Variants in SHOC2 observed in about 807,000 individuals in gnomAD.
The protein encoded by SHOC2 is leucine-rich repeat protein SHOC-2.
SHOC2 carries 4 observed loss-of-function variants against 50.2 expected under a neutral mutation model. The ratio of observed to expected loss-of-function variants is 0.08; its 90% confidence interval spans 0.04 to 0.18. The LOEUF (loss-of-function observed/expected upper bound fraction) is 0.18. Ranked by LOEUF, SHOC2 falls within the 10% of genes least tolerant of loss-of-function variation. SHOC2 has a pLI of 1.00. For missense variants in SHOC2, 388 were observed against 669.6 expected, an observed-to-expected ratio of 0.58 and a Z score of 4.64; for synonymous variants, 218 against 244.5, an observed-to-expected ratio of 0.89 and a Z score of 1.01.
intron 1 of SHOC2, among the ~76,000 whole-genome samples, chr10:110,946,889 G>A (rs1464878406): frequency 2.0e-5 from 3 of 152,136 alleles, no homozygotes; most frequent in Non-Finnish European, 4.4e-5. Flanking sequence ...AGTTAAATAG[G>A]AAGAGTGATG....
At chr10:110,980,757 C>T (rs150740196) in intron 2 of SHOC2, among the ~76,000 whole-genome samples, 125 of 152,208 alleles carry the variant, frequency 8.2e-4, no homozygotes, top group Middle Eastern at 3.4e-3. Context: ...TGCTTATTTT[C>T]CCTCCCAATC....
chr10:110,920,318 C>T (rs984813309), intron 1 of SHOC2, among the ~76,000 whole-genome samples: 2 of 152,124 alleles, frequency 1.3e-5, no homozygotes, highest in African/African-American at 4.8e-5. Context: ...AACCTCTCCC[C>T]GTGATAGCAC....
intron 2 of SHOC2, among the ~76,000 whole-genome samples, chr10:110,984,930 A>G (rs1187699062): frequency 6.6e-6 from 1 of 152,178 alleles, no homozygotes; most frequent in Non-Finnish European, 1.5e-5. Flanking sequence ...TCCAAAGGAG[A>G]CTGAAAACAG....
intron 3 of SHOC2, among the ~76,000 whole-genome samples, chr10:110,989,170 T>C (rs1848135627): frequency 6.6e-6 from 1 of 152,220 alleles, no homozygotes; most frequent in Non-Finnish European, 1.5e-5. Context: ...ATTCTACTTT[T>C]GTTGGGTGGA....
chr10:110,997,583 T>A (rs956191373), intron 3 of SHOC2, among the ~76,000 whole-genome samples: 1 of 152,214 alleles, frequency 6.6e-6, no homozygotes, highest in East Asian at 1.9e-4. Flanking sequence ...CTTAAAACTT[T>A]TTATAACATA....
At chr10:111,003,972 G>C (rs1423603850) in intron 4 of SHOC2, among the ~76,000 whole-genome samples, 8 of 152,322 alleles carry the variant, frequency 5.3e-5, no homozygotes, top group African/African-American at 1.9e-4. Context: ...AATGGTGAGA[G>C]GCTAAAGTAG....
intron 1 of SHOC2, among the ~76,000 whole-genome samples, chr10:110,951,039 T>C (rs1847341269): frequency 6.6e-6 from 1 of 152,182 alleles, no homozygotes; most frequent in Non-Finnish European, 1.5e-5. Context: ...AGAGAAATGG[T>C]ATTGCATCAA....
At chr10:110,948,537 T>C (rs1176789398) in intron 1 of SHOC2, among the ~76,000 whole-genome samples, 2 of 152,154 alleles carry the variant, frequency 1.3e-5, no homozygotes, top group Non-Finnish European at 2.9e-5. Context: ...CAAGTATTTT[T>C]TGTAAGCATA....
At chr10:110,976,417 T>A (rs549523407) in intron 2 of SHOC2, among the ~76,000 whole-genome samples, 8 of 151,864 alleles carry the variant, frequency 5.3e-5, no homozygotes, top group Non-Finnish European at 1.2e-4. Context: ...GCTCTAGTGA[T>A]CCTTCCTCCT....
intron 3 of SHOC2, among the ~76,000 whole-genome samples, chr10:110,999,593 T>C (rs1234508661): frequency 6.6e-6 from 1 of 151,468 alleles, no homozygotes; most frequent in Non-Finnish European, 1.5e-5. Context: ...AAAAATTAGC[T>C]GGGTATGGTG....
Position 110,994,569 on chromosome 10 carries a change from A to G in SHOC2, c.842-5846A>G, listed in dbSNP as rs148092245. Among the ~76,000 whole-genome samples the G allele has an allele frequency of 2.0e-5, 3 of 152,356 alleles. No individual in the cohort carries two copies. In the East Asian group the frequency reaches 5.8e-4, roughly 29 times the overall value. ...ATGAAACACTTTACAATGGTTAAAT[A>G]GAATGAGGTATATCTGTGTTTACTC... On this transcript the variant is annotated intron_variant, in intron 3 of 8. Coordinates refer to ENST00000369452, the MANE Select transcript of SHOC2 (RefSeq NM_007373.4).
At chr10:110,937,150 C>G in intron 1 of SHOC2, 1 of 1,528,288 alleles carries the variant, frequency 6.5e-7, no homozygotes, top group East Asian at 2.3e-5. Flanking sequence ...TCCGGCCCAG[C>G]AGTACCTGTT....
intron 5 of SHOC2, among the ~76,000 whole-genome samples, chr10:111,007,018 G>A (rs934594198): frequency 6.6e-6 from 1 of 152,192 alleles, no homozygotes; most frequent in Middle Eastern, 3.4e-3. Context: ...GTAAATACCT[G>A]ATTAGTGTTT....
intron 4 of SHOC2, among the ~76,000 whole-genome samples, chr10:111,003,778 A>G (rs1003601176): frequency 2.0e-5 from 3 of 152,150 alleles, no homozygotes; most frequent in African/African-American, 7.2e-5. Context: ...GGATGCTGAT[A>G]TTGCTCTTCC....
At chr10:111,004,171 GAC>G (rs1848429128) in intron 4 of SHOC2, among the ~76,000 whole-genome samples, 1 of 152,184 alleles carries the variant, frequency 6.6e-6, no homozygotes, top group Non-Finnish European at 1.5e-5. Context: ...ATATGACTAA[GAC>G]TAGGTAGGAT....
chr10:110,987,711 C>T (rs893622044), intron 3 of SHOC2, among the ~76,000 whole-genome samples: 8 of 151,540 alleles, frequency 5.3e-5, no homozygotes, highest in Middle Eastern at 3.4e-3. Flanking sequence ...CCAAGATGAA[C>T]AAGGAGATGT....
intron 1 of SHOC2, among the ~76,000 whole-genome samples, chr10:110,921,764 A>T (rs2134064693): frequency 6.6e-6 from 1 of 152,172 alleles, no homozygotes; most frequent in Non-Finnish European, 1.5e-5. Flanking sequence ...GAAATACTGG[A>T]TCGTATTCAT....
chr10:110,953,853 T>A (rs190401447), intron 1 of SHOC2, among the ~76,000 whole-genome samples: 2 of 151,540 alleles, frequency 1.3e-5, no homozygotes, highest in African/African-American at 4.8e-5. Flanking sequence ...AATGGATATC[T>A]GGTGATACCT....
chr10:110,973,638 G>A (rs530936873), intron 2 of SHOC2, among the ~76,000 whole-genome samples: 6 of 151,880 alleles, frequency 4.0e-5, no homozygotes, highest in East Asian at 3.9e-4. Flanking sequence ...TTAAATGTTC[G>A]GTAGAATTTA....
Sources: allele counts gnomAD v4.1 joint callset (sites outside exome capture counted in the v4.1 genomes callset), GRCh38; gene constraint gnomAD v4.1.1; transcripts MANE v1.5; gene names NCBI Gene and HGNC (gene_info 2026-07-23, HGNC 2026-07-21).